Variants in RGS7 observed in about 807,000 individuals in gnomAD.
RGS7 encodes regulator of G protein signaling 7.
A neutral mutation model predicts 81.1 loss-of-function variants in RGS7; 27 were observed. The ratio of observed to expected loss-of-function variants is 0.33; its 90% CI spans 0.25 to 0.46. The LOEUF is 0.46. Among genes scored for constraint, RGS7 ranks in the 20% least tolerant of loss-of-function variants. The pLI, the probability that RGS7 is intolerant of heterozygous loss-of-function variation, is 1.00. For synonymous variants in RGS7, 208 were observed against 207.7 expected, an observed-to-expected ratio of 1.00 and a Z score of -0.01; for missense variants, 396 against 607.4, an observed-to-expected ratio of 0.65 and a Z score of 3.66.
At chr1:240,880,681 T>C (rs1165040857) in intron 6 of RGS7, among the ~76,000 whole-genome samples, 2 of 152,214 alleles carry the variant, frequency 1.3e-5, no homozygotes, top group Non-Finnish European at 2.9e-5. Context: ...CAGGACCCAC[T>C]TATTTCCAGC....
chr1:241,105,268 G>A (rs570263153), intron 2 of RGS7, among the ~76,000 whole-genome samples: 3 of 152,208 alleles, frequency 2.0e-5, no homozygotes, highest in Non-Finnish European at 4.4e-5. Context: ...TGATGAGGCT[G>A]TCTTCTTGCT....
intron 2 of RGS7, among the ~76,000 whole-genome samples, chr1:241,330,294 C>T (rs989558841): frequency 6.6e-6 from 1 of 152,160 alleles, no homozygotes; most frequent in African/African-American, 2.4e-5. Flanking sequence ...TCTGATATGA[C>T]CTGCTATTAG....
chr1:241,158,551 A>G (rs1233909118), intron 2 of RGS7, among the ~76,000 whole-genome samples: 1 of 152,240 alleles, frequency 6.6e-6, no homozygotes, highest in Non-Finnish European at 1.5e-5. Context: ...ACATTTGTCA[A>G]GTAAGTGCAG....
At chr1:241,117,025 G>C (rs931210986) in intron 2 of RGS7, among the ~76,000 whole-genome samples, 3 of 152,102 alleles carry the variant, frequency 2.0e-5, no homozygotes, top group Non-Finnish European at 4.4e-5. Context: ...TACACAGTTG[G>C]TAAGAAGGGG....
intron 3 of RGS7, among the ~76,000 whole-genome samples, chr1:241,089,047 CTCTCTCTCTCTCTCTCTA>C (rs1347065665): frequency 3.8e-5 from 2 of 52,798 alleles, no homozygotes; most frequent in Non-Finnish European, 7.1e-5. Flanking sequence ...CTCTCTCTCT[CTCTCTCTCTCTCTCTCTA>C]TATATATATA....
chr1:240,872,595 T>C (rs1262747817), intron 6 of RGS7, among the ~76,000 whole-genome samples: 1 of 152,234 alleles, frequency 6.6e-6, no homozygotes, highest in Non-Finnish European at 1.5e-5. Flanking sequence ...CTCATCAGTC[T>C]AGTCCAGACA....
chr1:241,060,090 C>T (rs1042266184), intron 3 of RGS7, among the ~76,000 whole-genome samples: 1 of 152,250 alleles, frequency 6.6e-6, no homozygotes, highest in Admixed American at 6.5e-5. Flanking sequence ...CCCAGCTGGA[C>T]CCCTTCTACT....
intron 18 of RGS7, among the ~76,000 whole-genome samples, chr1:240,785,373 T>C (rs2102987287): frequency 6.6e-6 from 1 of 152,316 alleles, no homozygotes; most frequent in South Asian, 2.1e-4. Context: ...TTTCTAACTA[T>C]CCCTAAACTC....
At chr1:241,317,747 T>C (rs1278441187) in intron 2 of RGS7, among the ~76,000 whole-genome samples, 2 of 152,236 alleles carry the variant, frequency 1.3e-5, no homozygotes. Flanking sequence ...GATGTATCTT[T>C]TTGGATTATC....
At chr1:241,298,120 A>G (rs2079531348) in intron 2 of RGS7, among the ~76,000 whole-genome samples, 1 of 152,204 alleles carries the variant, frequency 6.6e-6, no homozygotes, top group Admixed American at 6.5e-5. Flanking sequence ...ATTTCCCATT[A>G]AATCTGCTAC....
At chr1:241,102,802 G>A (rs920672477) in intron 2 of RGS7, among the ~76,000 whole-genome samples, 1 of 151,974 alleles carries the variant, frequency 6.6e-6, no homozygotes, top group African/African-American at 2.4e-5. Context: ...TTCAGTGATT[G>A]AGATTTATGT....
intron 2 of RGS7, among the ~76,000 whole-genome samples, chr1:241,139,883 T>C (rs1455932414): frequency 6.6e-6 from 1 of 152,256 alleles, no homozygotes; most frequent in Non-Finnish European, 1.5e-5. Flanking sequence ...AAAACTCTTC[T>C]GATCTTAAGA....
At chr1:241,171,224 A>T (rs2070711866) in intron 2 of RGS7, among the ~76,000 whole-genome samples, 1 of 152,338 alleles carries the variant, frequency 6.6e-6, no homozygotes, top group Non-Finnish European at 1.5e-5. Context: ...TTCATTCATC[A>T]AATATGTCAT....
chr1:241,261,312 G>A (rs1241140149), intron 2 of RGS7, among the ~76,000 whole-genome samples: 3 of 152,180 alleles, frequency 2.0e-5, no homozygotes, highest in African/African-American at 7.2e-5. Context: ...TAGAAGCCCT[G>A]TGCTCTAGTT....
At chr1:240,785,367 T>A (rs1213236559) in intron 18 of RGS7, among the ~76,000 whole-genome samples, 2 of 152,224 alleles carry the variant, frequency 1.3e-5, no homozygotes, top group African/African-American at 2.4e-5. Flanking sequence ...TAAAGCTTTC[T>A]AACTATCCCT....
chr1:240,857,858 C>T (rs1194314142), intron 9 of RGS7, among the ~76,000 whole-genome samples: 1 of 152,070 alleles, frequency 6.6e-6, no homozygotes, highest in East Asian at 1.9e-4. Context: ...GTTACCCCCA[C>T]GTTGTTCTCA....
At chr1:241,293,840 G>A (rs1023498108) in intron 2 of RGS7, among the ~76,000 whole-genome samples, 3 of 152,180 alleles carry the variant, frequency 2.0e-5, no homozygotes, top group Non-Finnish European at 4.4e-5. Flanking sequence ...TACAGTGTTG[G>A]TGGGAGTGTA....
chr1:240,863,434 C>A (rs1415585484), intron 9 of RGS7, among the ~76,000 whole-genome samples: 3 of 152,128 alleles, frequency 2.0e-5, no homozygotes, highest in Non-Finnish European at 2.9e-5. Flanking sequence ...AAGATCGCAC[C>A]ACTGCACTCC....
intron 2 of RGS7, among the ~76,000 whole-genome samples, chr1:241,273,571 G>A (rs865780199): frequency 9.2e-5 from 14 of 152,080 alleles, no homozygotes; most frequent in Non-Finnish European, 1.5e-4. Flanking sequence ...CTCTCTCTTA[G>A]CATTACTGTC....
Sources: allele counts gnomAD v4.1 joint callset (sites outside exome capture counted in the v4.1 genomes callset), GRCh38; gene constraint gnomAD v4.1.1; transcripts MANE v1.5; gene names NCBI Gene and HGNC (gene_info 2026-07-23, HGNC 2026-07-21).